Variants in MYO1H observed in about 807,000 individuals in gnomAD.
MYO1H encodes the protein unconventional myosin-Ih.
A neutral mutation model predicts 149.3 loss-of-function variants in MYO1H; 118 were observed. That is an observed-to-expected ratio of 0.79 (90% CI 0.68 to 0.92). The LOEUF is 0.92. Among genes scored for constraint, MYO1H ranks in the 40% least tolerant of loss-of-function variants. MYO1H has a pLI of 0.00. For synonymous variants in MYO1H, 447 were observed against 465.2 expected (o/e 0.96, Z 0.50); for missense variants, 1,212 against 1,280.7 (o/e 0.95, Z 0.82).
At position 109,431,029 on chromosome 12, in the gene MYO1H, T is replaced by C. The variant is rs559531165; in HGVS notation, c.1950-1868T>C. 3.2e-4 allele frequency among the ~76,000 whole-genome samples: 47 copies of C among 148,766 alleles called. 1 individual carries two copies. In the South Asian group the frequency reaches 9.3e-3, roughly 30 times the overall value. On this transcript the variant is annotated intron_variant, in intron 19 of 31. Coordinates refer to ENST00000310903, the Ensembl canonical transcript of MYO1H. Reference sequence around the variant, plus strand: ...GAGATCGCACCACTGCACTCCAGCCTGGGAGACAGAGCGAGACTCCATCTC... The same window carrying C: ...GAGATCGCACCACTGCACTCCAGCCCGGGAGACAGAGCGAGACTCCATCTC...
the MYO1H span, among the ~76,000 whole-genome samples, chr12:109,326,202 GATGA>G: frequency 6.6e-6 from 1 of 152,208 alleles, no homozygotes; most frequent in African/African-American, 2.4e-5. Context: ...TCATCCACCA[GATGA>G]ATGATTCCAT....
intron 10 of MYO1H, among the ~76,000 whole-genome samples, 164 bp from the exon 11 acceptor site, chr12:109,409,393 G>A (rs57509170): frequency 0.027 from 4,097 of 151,796 alleles, 177 homozygotes; most frequent in African/African-American, 0.093. Flanking sequence ...GCAGGCAGGA[G>A]CAGCAGGCTG....
At chr12:109,365,562 G>C (rs1868849790) in intron 1 of MYO1H, among the ~76,000 whole-genome samples, 1 of 152,192 alleles carries the variant, frequency 6.6e-6, no homozygotes, top group Non-Finnish European at 1.5e-5. Flanking sequence ...GGGAGCACAG[G>C]CTCTGGAGTT....
chr12:109,332,987 A>G, the MYO1H span, among the ~76,000 whole-genome samples: 2 of 152,042 alleles, frequency 1.3e-5, no homozygotes, highest in African/African-American at 2.4e-5. Flanking sequence ...TATGACCGCA[A>G]TTCTATGAAG....
At chr12:109,338,834 C>A in the MYO1H span, among the ~76,000 whole-genome samples, 7 of 150,920 alleles carry the variant, frequency 4.6e-5, no homozygotes, top group Admixed American at 3.3e-4. Context: ...TCACACCCAT[C>A]TTGTTAGTTT....
chr12:109,332,280 C>T, the MYO1H span, among the ~76,000 whole-genome samples: 142 of 152,322 alleles, frequency 9.3e-4, no homozygotes, highest in Non-Finnish European at 1.5e-3. Flanking sequence ...AGCTAGAATC[C>T]TCCAATAGTG....
chr12:109,416,164 G>A (rs1297225195), intron 15 of MYO1H, among the ~76,000 whole-genome samples: 1 of 151,684 alleles, frequency 6.6e-6, no homozygotes, highest in African/African-American at 2.4e-5. Context: ...GAACTCCTGA[G>A]GCCCACCTCA....
chr12:109,422,446 A>C (rs1025668293), intron 16 of MYO1H, among the ~76,000 whole-genome samples: 28 of 152,136 alleles, frequency 1.8e-4, no homozygotes, highest in Non-Finnish European at 3.4e-4. Flanking sequence ...TCCCGTCAGC[A>C]AAGTGGGGCT....
At chr12:109,436,667 G>T in intron 22 of MYO1H, 111 bp downstream of exon 22, 1 of 714,090 alleles carries the variant, frequency 1.4e-6, no homozygotes, top group South Asian at 1.8e-5. Flanking sequence ...CTTGTGTGGT[G>T]CTATCTTGGG....
chr12:109,332,824 T>C, the MYO1H span, among the ~76,000 whole-genome samples: 21 of 152,126 alleles, frequency 1.4e-4, no homozygotes, highest in African/African-American at 5.1e-4. Flanking sequence ...GCTTAAGCAG[T>C]CCTCCTGCCT....
intron 1 of MYO1H, among the ~76,000 whole-genome samples, chr12:109,366,410 G>GA (rs1422343154): frequency 6.6e-6 from 1 of 152,206 alleles, no homozygotes; most frequent in African/African-American, 2.4e-5. Flanking sequence ...GGTGGGGGCA[G>GA]GCTTGGGGAA....
chr12:109,439,498 T>TGGCCTGTGGACTACATTCCA, intron 23 of MYO1H, 133 bp from the exon 24 acceptor site: 1 of 676,082 alleles, frequency 1.5e-6, no homozygotes, highest in Non-Finnish European at 2.4e-6. Flanking sequence ...GGGGCAGATT[T>TGGCCTGTGGACTACATTCCA]GGCCTCTGGC....
At chr12:109,441,200 G>A (rs1182701505) in intron 25 of MYO1H, among the ~76,000 whole-genome samples, 3 of 152,172 alleles carry the variant, frequency 2.0e-5, no homozygotes, top group Non-Finnish European at 4.4e-5. Context: ...TTCTCTGTTG[G>A]AATTACTCAA....
intron 1 of MYO1H, among the ~76,000 whole-genome samples, chr12:109,350,351 C>T (rs1013609048): frequency 1.3e-5 from 2 of 151,988 alleles, no homozygotes; most frequent in African/African-American, 2.4e-5. Context: ...GGGAGGGACC[C>T]GGTGGGAGAT....
chr12:109,436,638 C>A, intron 22 of MYO1H, 82 bp downstream of exon 22: 1 of 896,168 alleles, frequency 1.1e-6, no homozygotes, highest in Non-Finnish European at 1.8e-6. Flanking sequence ...AGTTCTCTCC[C>A]CCTGCTCATC....
chr12:109,406,689 C>A, intron 8 of MYO1H, 100 bp from the exon 9 acceptor site: 1 of 1,118,440 alleles, frequency 8.9e-7, no homozygotes, highest in Non-Finnish European at 1.3e-6. Flanking sequence ...CCACCACATT[C>A]CCACCTGGGT....
chr12:109,368,994 C>CT (rs200491901), intron 1 of MYO1H, among the ~76,000 whole-genome samples: 8,528 of 149,226 alleles, frequency 0.057, 747 homozygotes, highest in African/African-American at 0.19. Flanking sequence ...TGATTTCTTT[C>CT]TTTTTTTTTT....
At chr12:109,372,792 G>A (rs1015325147) in intron 1 of MYO1H, among the ~76,000 whole-genome samples, 15 of 151,922 alleles carry the variant, frequency 9.9e-5, no homozygotes, top group African/African-American at 3.6e-4. Context: ...TGTTTAGCAT[G>A]CAATAAATCT....
the MYO1H span, among the ~76,000 whole-genome samples, chr12:109,321,758 CAA>C: frequency 6.6e-6 from 1 of 152,080 alleles, no homozygotes; most frequent in African/African-American, 2.4e-5. Context: ...ATCAAACTGG[CAA>C]AGATTGTACA....
Sources: gnomAD v4.1 joint callset for allele counts (sites outside exome capture counted in the v4.1 genomes callset) on GRCh38, gnomAD v4.1.1 for gene constraint, MANE v1.5 for transcripts, NCBI Gene and HGNC (gene_info 2026-07-23, HGNC 2026-07-21) for gene names.